The following PIGS variants were observed in gnomAD, a reference collection of about 807,000 sequenced individuals.
The protein encoded by PIGS is GPI-anchor transamidase component PIGS.
PIGS carries 37 observed loss-of-function variants against 58.2 expected under a neutral mutation model. The ratio of observed to expected loss-of-function variants is 0.64; its 90% CI spans 0.49 to 0.84. The LOEUF (loss-of-function observed/expected upper bound fraction) is 0.84, where lower values mean the gene tolerates loss of function less well. Ranked by LOEUF, PIGS falls within the 40% of genes least tolerant of loss-of-function variation. The pLI is 0.00. For missense variants in PIGS, 629 were observed against 710.8 expected (o/e 0.88, Z 1.31); for synonymous variants, 269 against 289.2 (o/e 0.93, Z 0.71).
chr17:28,568,010 T>C (rs770671425), intron 3 of PIGS, among the ~76,000 whole-genome samples: 2 of 152,232 alleles, frequency 1.3e-5, no homozygotes, highest in Non-Finnish European at 2.9e-5. Context: ...TATCTAAAAC[T>C]GCAATCCCCT....
In PIGS at chr17:28,563,826, C is replaced by G. The variant is rs761691310; in HGVS notation, c.368G>C (p.Ser123Thr). ...CTCATCCCTTCCCATACCTTGCACA[C>G]TGCCCGATGACAGGGCCTCCTCCTC... is the stretch of plus-strand genomic sequence containing the variant. ...DHEEEALSSG[S>T]VQEAEAMLDE... Residue 123 changes from serine (S) to threonine (T), a missense_variant, in exon 4 of 12, where the codon AGT (serine) becomes ACT (threonine). Physicochemically the swap from Ser to Thr is moderately conservative, Grantham distance 58. Coordinates refer to ENST00000308360, the MANE Select transcript of PIGS (RefSeq NM_033198.4). 6.2e-7 allele frequency: 1 copy of G among 1,613,524 alleles called. No homozygotes were observed. Among genetic ancestry groups the G allele is most frequent in the East Asian group, 2.2e-5 (1 of 44,876 alleles).
At chr17:28,566,234 A>C (rs1204612690) in intron 3 of PIGS, among the ~76,000 whole-genome samples, 1 of 149,250 alleles carries the variant, frequency 6.7e-6, no homozygotes, top group Non-Finnish European at 1.5e-5. Context: ...CTCAAAAAAA[A>C]AAAAAAAAAA....
chr17:28,556,072 A>C, intron 10 of PIGS, 94 bp downstream of exon 10: 1 of 1,215,412 alleles, frequency 8.2e-7, no homozygotes, highest in Non-Finnish European at 1.2e-6. Flanking sequence ...GGCACAGCCA[A>C]GATATCCCTG....
At chr17:28,564,517 C>CT (rs2070383730) in intron 3 of PIGS, among the ~76,000 whole-genome samples, 2 of 152,078 alleles carry the variant, frequency 1.3e-5, no homozygotes, top group African/African-American at 4.8e-5. Context: ...AGTTTGAGAC[C>CT]AGCCTGGCCA....
In PIGS at chr17:28,556,906, G is replaced by A. The variant is rs766385188; in HGVS notation, c.1001C>T (p.Ser334Leu). ...ATCCTTGTCCTGAATGTACAGCGGT[G>A]AGTGTGCAAGCTCAGGCACGTAGAG... ...FLLYVPELAH[S>L]PLYIQDKDGA... The change falls in exon 9 of 12, where the codon TCA (serine) becomes TTA (leucine). Residue 334 changes from serine to leucine, a missense_variant. Transcript: ENST00000308360. 1 of 1,614,178 alleles carries A rather than the reference G, an allele frequency of 6.2e-7. No individual in the cohort carries two copies. Among genetic ancestry groups the A allele is most frequent in the Non-Finnish European group, 8.5e-7 (1 of 1,180,026 alleles).
In PIGS at chr17:28,556,243, G is replaced by T. The variant is rs543229209; in HGVS notation, c.1104C>A (p.Thr368=). The change falls in exon 10 of 12, where the codon ACC becomes ACA. Residue 368 remains threonine, a synonymous_variant. Transcript: ENST00000308360. ...TCACTGGCAGCACTGAGGCATTATA[G>T]GTTTTGGAGTCAACATTATATACCT... ...GIMVYNVDSK[T]YNASVLPVRV... 7 of 1,613,016 alleles carry T rather than the reference G, an allele frequency of 4.3e-6. No homozygotes were observed. In the South Asian group the frequency reaches 6.6e-5, roughly 15 times the overall value.
rs373354668 is a variant in PIGS at position 28,554,373 on chromosome 17, C to T, written c.1515G>A (p.Pro505=). ...VTSSELAFFD[P]SLLHLLYFPD... The stretch of plus-strand genomic sequence containing the variant: ...GGAAATAAAGGAGGTGGAGGAGTGA[C>T]GGGTCAAAGAAGGCAAGCTCAGAGG... The change falls in exon 12 of 12, where the codon CCG becomes CCA. Residue 505 remains proline (P), a synonymous_variant. Coordinates refer to ENST00000308360, the MANE Select transcript of PIGS (RefSeq NM_033198.4). 843 of 1,614,116 alleles carry T rather than the reference C, an allele frequency of 5.2e-4. No homozygotes were observed. Among genetic ancestry groups the T allele is most frequent in the Non-Finnish European group, 6.8e-4 (799 of 1,180,020 alleles).
chr17:28,554,679 C>G (rs2070314663), intron 11 of PIGS, among the ~76,000 whole-genome samples, 172 bp downstream of exon 11: 1 of 152,058 alleles, frequency 6.6e-6, no homozygotes, highest in Non-Finnish European at 1.5e-5. Flanking sequence ...CTCGCACTCT[C>G]ATCTGCACTC....
At position 28,555,078 on chromosome 17, in the gene PIGS, G is replaced by A; in HGVS notation, c.1182-17C>T. ...AAGAGCAACCTGTAGGAACATCGGA[G>A]TAAGATCAAGGTGGCTGAGACCACA... On this transcript the variant is annotated splice_polypyrimidine_tract_variant and intron_variant, in intron 10 of 11. Coordinates refer to ENST00000308360, the MANE Select transcript of PIGS (RefSeq NM_033198.4). 6.2e-7 allele frequency: 1 copy of A among 1,600,994 alleles called. No individual in the cohort carries two copies. Among genetic ancestry groups the A allele is most frequent in the Non-Finnish European group, 8.5e-7 (1 of 1,171,374 alleles).
rs1275199281 is a variant in PIGS at position 28,555,922 on chromosome 17, T to C, written c.1181+244A>G. 1.8e-5 allele frequency: 7 copies of C among 387,698 alleles called. No homozygotes were observed. In the East Asian group the frequency reaches 3.1e-4, roughly 17 times the overall value. 24.0% of individuals were successfully genotyped at this position (387,698 alleles called of 1,614,324 possible). A position where few individuals can be genotyped will look rare whatever the true frequency, so the allele number is the denominator to read the frequency against. On this transcript the variant is annotated intron_variant, in intron 10 of 11. Coordinates refer to ENST00000308360, the MANE Select transcript of PIGS (RefSeq NM_033198.4). ...AGGTGGAGGTTGCAGTGAGCCAAAA[T>C]GGCACCACTGCACTCCGGCCTGGGC...
At chr17:28,558,662 T>G (rs1447895641) in intron 7 of PIGS, 72 bp from the exon 8 acceptor site, 3 of 1,275,810 alleles carry the variant, frequency 2.4e-6, no homozygotes, top group Non-Finnish European at 3.3e-6. Flanking sequence ...AGATTTGAGG[T>G]GCCTTAAAAA....
intron 4 of PIGS, 92 bp from the exon 5 acceptor site, chr17:28,563,614 AT>A: frequency 7.6e-7 from 1 of 1,312,976 alleles, no homozygotes; most frequent in Non-Finnish European, 1.1e-6. Flanking sequence ...CTTCACTCAC[AT>A]TCAGCTGACA....
chr17:28,554,033 G>C lies in PIGS; in HGVS notation c.*187C>G, dbSNP rs1480460113. ...CTGGTGGTGGAGGAGGATTGAGCCAGGTGAATGGGAAAGGAAGAAAAGATG... is the reference window on the plus strand; with the variant it reads ...CTGGTGGTGGAGGAGGATTGAGCCACGTGAATGGGAAAGGAAGAAAAGATG... On this transcript the variant is annotated 3_prime_UTR_variant, in exon 12 of 12. Coordinates refer to ENST00000308360, the MANE Select transcript of PIGS (RefSeq NM_033198.4). 2.8e-6 allele frequency: 2 copies of C among 719,926 alleles called. No homozygotes were observed. Among genetic ancestry groups the C allele is most frequent in the Non-Finnish European group, 4.5e-6 (2 of 448,492 alleles). 44.6% of individuals were successfully genotyped at this position (719,926 alleles called of 1,614,324 possible).
intron 3 of PIGS, among the ~76,000 whole-genome samples, chr17:28,566,271 C>CTT (rs57310687): frequency 1.2e-4 from 12 of 97,796 alleles, no homozygotes; most frequent in African/African-American, 3.7e-4. Context: ...TTTTTCTTTT[C>CTT]TTTTTTTTTT....
intron 3 of PIGS, 32 bp from the exon 4 acceptor site, chr17:28,563,939 G>T: frequency 6.3e-7 from 1 of 1,579,918 alleles, no homozygotes. Context: ...ACAATGAAAA[G>T]GGCAAGCATC....
rs1471240072 is a variant in PIGS at position 28,556,328 on chromosome 17, GCA to G, written c.1081-64_1081-63del. The G allele has an allele frequency of 1.2e-5, 15 of 1,244,628 alleles. No individual in the cohort carries two copies. In the African/African-American group the frequency reaches 2.2e-4, roughly 18 times the overall value. 77.1% of individuals were successfully genotyped at this position (1,244,628 alleles called of 1,614,324 possible). On this transcript the variant is annotated intron_variant, in intron 9 of 11. Transcript: ENST00000308360. ...AGGCCCTTGCACAGCTCTGCCCTAG[GCA>G]CTCTGGAGAGAAAAGGAAAACATAT...
At chr17:28,564,414 A>G (rs1412697048) in intron 3 of PIGS, among the ~76,000 whole-genome samples, 5 of 152,222 alleles carry the variant, frequency 3.3e-5, no homozygotes, top group Admixed American at 6.5e-5. Flanking sequence ...CAAAAAATAC[A>G]AAAATTAGCC....
intron 3 of PIGS, among the ~76,000 whole-genome samples, chr17:28,567,207 T>C (rs764362442): frequency 9.9e-5 from 15 of 152,120 alleles, no homozygotes; most frequent in Non-Finnish European, 2.2e-4. Flanking sequence ...CAACTAGCCA[T>C]TAAGTGCTTC....
intron 3 of PIGS, among the ~76,000 whole-genome samples, chr17:28,570,092 T>G (rs2070417950): frequency 6.6e-6 from 1 of 152,248 alleles, no homozygotes; most frequent in Non-Finnish European, 1.5e-5. Context: ...TCTTGTATAC[T>G]TCTACTGTAA....
Sources: gnomAD v4.1 joint callset for allele counts (sites outside exome capture counted in the v4.1 genomes callset) on GRCh38, gnomAD v4.1.1 for gene constraint, MANE v1.5 for transcripts, NCBI Gene and HGNC (gene_info 2026-07-23, HGNC 2026-07-21) for gene names.